The following UNC79 variants were observed in gnomAD, a reference collection of about 807,000 sequenced individuals.
UNC79 encodes protein unc-79 homolog.
A neutral mutation model predicts 283.1 loss-of-function variants in UNC79; 37 were observed. The ratio of observed to expected loss-of-function variants is 0.13; its 90% CI spans 0.10 to 0.17. The LOEUF (loss-of-function observed/expected upper bound fraction) is 0.17, where lower values mean the gene tolerates loss of function less well. UNC79 is among the 10% of genes least tolerant of loss of function. UNC79 has a pLI of 1.00. For synonymous variants in UNC79, 1,107 were observed against 1,200.2 expected, an observed-to-expected ratio of 0.92 and a Z score of 1.61; for missense variants, 2,272 against 3,211.1, an observed-to-expected ratio of 0.71 and a Z score of 7.07.
At chr14:93,470,862 G>A (rs1029772332) in intron 2 of UNC79, among the ~76,000 whole-genome samples, 2 of 152,096 alleles carry the variant, frequency 1.3e-5, no homozygotes, top group Admixed American at 6.6e-5. Context: ...TTTTATATTG[G>A]AAACATCCTG....
intron 1 of UNC79, among the ~76,000 whole-genome samples, chr14:93,404,493 A>AAATATATATATATATATATATATAT: frequency 2.3e-4 from 14 of 61,476 alleles, no homozygotes; most frequent in African/African-American, 8.7e-4. Context: ...TTCTAAAAAA[A>AAATATATATATATATATATATATAT]ATATATATAT....
rs2066785228 is a variant in UNC79 at position 93,617,051 on chromosome 14, A to C, written c.4042-71A>C. ...AAAATTTTAACCACTGGGATGGCTCAAATTTTTCCTTTTGACCTCTGAGTG... is the reference window on the plus strand; with the variant it reads ...AAAATTTTAACCACTGGGATGGCTCCAATTTTTCCTTTTGACCTCTGAGTG... On this transcript the variant is annotated intron_variant, in intron 27 of 48. Transcript: ENST00000555664. This position sits in a 1 kb window ranked among gnomAD's most constrained non-coding sequence, Gnocchi z 4.5. 1 of 1,441,352 alleles carries C rather than the reference A, an allele frequency of 6.9e-7. No homozygotes were observed. The highest frequency in any genetic ancestry group is 1.4e-5 in the African/African-American group (1 of 70,150). The allele number at this position is 1,441,352 out of a possible 1,614,324, so 89.3% of individuals were successfully genotyped here.
intron 1 of UNC79, among the ~76,000 whole-genome samples, chr14:93,455,946 A>ATG (rs2056785717): frequency 7.9e-6 from 1 of 126,960 alleles, no homozygotes; most frequent in Non-Finnish European, 1.7e-5. Context: ...GTGTGTGTGT[A>ATG]TGTGTGTGAA....
At chr14:93,626,328 G>C (rs1484701186) in intron 30 of UNC79, among the ~76,000 whole-genome samples, 1 of 152,174 alleles carries the variant, frequency 6.6e-6, no homozygotes, top group Non-Finnish European at 1.5e-5. Context: ...GGCTGGGGCT[G>C]TATGTAGGTT....
chr14:93,640,625 CACAA>C (rs760078919), intron 32 of UNC79, among the ~76,000 whole-genome samples: 11 of 152,174 alleles, frequency 7.2e-5, no homozygotes, highest in East Asian at 5.8e-4. Flanking sequence ...AAGACCTTGT[CACAA>C]ACAAACAAAC....
chr14:93,463,101 C>A (rs2057019184), intron 1 of UNC79, among the ~76,000 whole-genome samples: 1 of 151,854 alleles, frequency 6.6e-6, no homozygotes, highest in South Asian at 2.1e-4. Flanking sequence ...GGGGAAGTGG[C>A]AAAGCACTTG....
chr14:93,556,807 A>C (rs1257603822), intron 14 of UNC79, among the ~76,000 whole-genome samples: 1 of 152,234 alleles, frequency 6.6e-6, no homozygotes, highest in Non-Finnish European at 1.5e-5. Flanking sequence ...ATCATTTACC[A>C]TAGAGCTCTT....
At chr14:93,655,365 T>C in exon 38 of UNC79, 1 of 1,614,150 alleles carries the variant, frequency 6.2e-7, no homozygotes, top group Non-Finnish European at 8.5e-7. Context: ...GCAACCAGTT[T>C]CAGACATTTT....
At chr14:93,670,258 T>A (rs2072696832) in intron 40 of UNC79, among the ~76,000 whole-genome samples, 1 of 152,202 alleles carries the variant, frequency 6.6e-6, no homozygotes, top group Non-Finnish European at 1.5e-5. Context: ...ATTCTGACAC[T>A]AATTACCTGG....
intron 1 of UNC79, among the ~76,000 whole-genome samples, chr14:93,355,804 G>C (rs192391690): frequency 8.5e-5 from 13 of 152,244 alleles, no homozygotes; most frequent in African/African-American, 3.1e-4. Context: ...CAGTTTTTCA[G>C]ATTGCCTGCA....
intron 39 of UNC79, among the ~76,000 whole-genome samples, chr14:93,659,722 T>C (rs969291151): frequency 8.5e-5 from 13 of 152,302 alleles, no homozygotes; most frequent in Admixed American, 7.2e-4. Flanking sequence ...GAATCAGCGT[T>C]ATCATCATCA....
At chr14:93,519,241 T>G (rs1277980100) in intron 7 of UNC79, among the ~76,000 whole-genome samples, 1 of 151,896 alleles carries the variant, frequency 6.6e-6, no homozygotes, top group African/African-American at 2.4e-5. Flanking sequence ...TAAAATTGCC[T>G]TGGTTTTTCT....
chr14:93,432,696 T>G (rs142543965), intron 1 of UNC79, among the ~76,000 whole-genome samples: 1 of 152,354 alleles, frequency 6.6e-6, no homozygotes, highest in African/African-American at 2.4e-5. Flanking sequence ...TTTTGAGGAA[T>G]GGTAACATAG....
intron 1 of UNC79, among the ~76,000 whole-genome samples, chr14:93,417,580 T>C (rs1398972195): frequency 6.6e-6 from 1 of 152,246 alleles, no homozygotes; most frequent in Non-Finnish European, 1.5e-5. Context: ...CCTTGCCAGA[T>C]TGGGGAAGTT....
chr14:93,408,552 C>T (rs958228680), intron 1 of UNC79, among the ~76,000 whole-genome samples: 2 of 152,086 alleles, frequency 1.3e-5, no homozygotes, highest in Non-Finnish European at 2.9e-5. Flanking sequence ...ACCAGCTGGG[C>T]ATGGTGGTGC....
Position 93,582,444 on chromosome 14 carries a change from C to T in UNC79, c.2803+100C>T, listed in dbSNP as rs192955281. On this transcript the variant is annotated intron_variant, in intron 20 of 48. Transcript: ENST00000555664. ...TAATATCGACTTGGGCAAATTCAGA[C>T]GTGGTTTCCTTAGTATAGACTCGTG... The T allele has an allele frequency of 4.8e-4, 718 of 1,511,228 alleles. 7 individuals carry two copies. The African/African-American group carries it at 8.9e-3, about 19-fold the overall frequency. The allele number at this position is 1,511,228 out of a possible 1,614,324, so 93.6% of individuals were successfully genotyped here. A position where few individuals can be genotyped will look rare whatever the true frequency, so the allele number is the denominator to read the frequency against.
intron 17 of UNC79, 25 bp downstream of exon 17, chr14:93,575,223 G>A (rs1595915403): frequency 1.2e-6 from 2 of 1,612,260 alleles, no homozygotes; most frequent in Non-Finnish European, 8.5e-7. Context: ...ATTTGTTCTT[G>A]TCTTGCTTTT....
intron 47 of UNC79, among the ~76,000 whole-genome samples, chr14:93,702,609 A>C (rs1319219728): frequency 6.6e-6 from 1 of 152,228 alleles, no homozygotes; most frequent in Non-Finnish European, 1.5e-5. Flanking sequence ...CCAGCAGCTT[A>C]TGGCTATGAC....
Position 93,430,752 on chromosome 14 carries a change from A to C in UNC79, c.-278A>C. The C allele has an allele frequency of 2.7e-6, 1 of 367,204 alleles. No homozygotes were observed. Among genetic ancestry groups the C allele is most frequent in the East Asian group, 5.3e-5 (1 of 18,760 alleles). The allele number at this position is 367,204 out of a possible 1,614,324, so 22.7% of individuals were successfully genotyped here. ...TCCTTTCGGTCTCCCCGCCCACATC[A>C]ACGCGGGCAGCTCCAGGAGGGGACG... is the stretch of plus-strand genomic sequence containing the variant. On this transcript the variant is annotated 5_prime_UTR_variant, in exon 1 of 49. Coordinates refer to ENST00000555664, the Ensembl canonical transcript of UNC79. The surrounding 1 kb of genome is among the most constrained non-coding windows in gnomAD (Gnocchi z 4.6).
Sources: gnomAD v4.1 joint callset for allele counts (sites outside exome capture counted in the v4.1 genomes callset) on GRCh38, gnomAD v4.1.1 for gene constraint, Gnocchi (gnomAD v3.1) non-coding constraint, MANE v1.5 for transcripts, NCBI Gene and HGNC (gene_info 2026-07-23, HGNC 2026-07-21) for gene names.